FAM110B: variants seen among roughly 807,000 people sequenced by gnomAD.
FAM110B encodes the protein family with sequence similarity 110 member B, also known as protein FAM110B.
Under a neutral mutation model 20.4 loss-of-function variants are expected in FAM110B, and 6 were observed. The ratio of observed to expected loss-of-function variants is 0.29; its 90% CI spans 0.16 to 0.58. The LOEUF is 0.58. Ranked by LOEUF, FAM110B falls within the 20% of genes least tolerant of loss-of-function variation. The probability of loss-of-function intolerance (pLI) is 0.90; values close to 1 mark genes in which losing one functional copy is unlikely to be tolerated. For missense variants in FAM110B, 434 were observed against 498.2 expected (o/e 0.87, Z 1.23); for synonymous variants, 226 against 214.1 (o/e 1.06, Z -0.49).
chr8:58,082,484 T>C (rs1806222979), intron 3 of FAM110B, among the ~76,000 whole-genome samples: 2 of 152,236 alleles, frequency 1.3e-5, no homozygotes, highest in African/African-American at 4.8e-5. Context: ...TCAGAGTTCC[T>C]TATGACTGTG....
At chr8:58,019,365 A>AG (rs1491107782) in intron 1 of FAM110B, among the ~76,000 whole-genome samples, 7 of 107,166 alleles carry the variant, frequency 6.5e-5, no homozygotes, top group African/African-American at 3.0e-4. Flanking sequence ...AAAAAAGGAA[A>AG]GAAAGAAAGA....
At chr8:58,022,743 G>T (rs1015036998) in intron 1 of FAM110B, among the ~76,000 whole-genome samples, 2 of 152,132 alleles carry the variant, frequency 1.3e-5, no homozygotes, top group Non-Finnish European at 2.9e-5. Context: ...CTTTTCTTAG[G>T]GAAGGCCAAA....
chr8:58,095,152 G>GCT (rs1399196288), intron 3 of FAM110B, among the ~76,000 whole-genome samples: 1 of 151,864 alleles, frequency 6.6e-6, no homozygotes, highest in East Asian at 1.9e-4. Context: ...TATTAGTCTG[G>GCT]CTAGTGGTCT....
At chr8:58,019,836 A>G (rs1231297459) in intron 1 of FAM110B, among the ~76,000 whole-genome samples, 2 of 151,742 alleles carry the variant, frequency 1.3e-5, no homozygotes, top group African/African-American at 4.8e-5. Flanking sequence ...TTTTCTTTGT[A>G]TTTGCTTTGA....
intron 1 of FAM110B, among the ~76,000 whole-genome samples, chr8:57,995,686 A>G (rs1477442366): frequency 6.6e-6 from 1 of 152,190 alleles, no homozygotes; most frequent in Non-Finnish European, 1.5e-5. Context: ...ATTACTCTGG[A>G]AAGTGGAAAG....
At chr8:58,087,266 C>A (rs1806360829) in intron 3 of FAM110B, among the ~76,000 whole-genome samples, 1 of 152,250 alleles carries the variant, frequency 6.6e-6, no homozygotes, top group Non-Finnish European at 1.5e-5. Context: ...GCGTCACCTT[C>A]TACCTTATCT....
chr8:58,032,892 G>A (rs764319923), intron 2 of FAM110B, among the ~76,000 whole-genome samples: 22 of 152,188 alleles, frequency 1.4e-4, no homozygotes, highest in East Asian at 1.9e-4. Flanking sequence ...TTGAGACATC[G>A]ATTTCATTTT....
intron 2 of FAM110B, among the ~76,000 whole-genome samples, chr8:58,060,877 C>T (rs1805643798): frequency 6.6e-6 from 1 of 152,102 alleles, no homozygotes; most frequent in African/African-American, 2.4e-5. Context: ...AGCATTAGTC[C>T]TCATCAGCGA....
chr8:58,100,227 T>TTCCTTTAGATTTTGAAA (rs1806743976), intron 3 of FAM110B, among the ~76,000 whole-genome samples: 5 of 151,166 alleles, frequency 3.3e-5, no homozygotes, highest in African/African-American at 1.2e-4. Context: ...TCCCTGGAGT[T>TTCCTTTAGATTTTGAAA]AATCTGGTGC....
intron 1 of FAM110B, among the ~76,000 whole-genome samples, chr8:58,017,048 G>A (rs1042129985): frequency 3.9e-5 from 6 of 152,186 alleles, no homozygotes; most frequent in African/African-American, 1.4e-4. Context: ...CTTTTTCAGT[G>A]CCTAGGGAAA....
chr8:58,077,962 G>A (rs747814374), intron 3 of FAM110B, among the ~76,000 whole-genome samples: 21 of 152,144 alleles, frequency 1.4e-4, no homozygotes, highest in Non-Finnish European at 2.5e-4. Flanking sequence ...CCCATAAATA[G>A]ATTGAAACAT....
intron 1 of FAM110B, among the ~76,000 whole-genome samples, chr8:58,004,090 C>T (rs1181703333): frequency 2.6e-5 from 4 of 152,128 alleles, no homozygotes; most frequent in Admixed American, 2.6e-4. Flanking sequence ...TTACATTTTT[C>T]ATTAGATTCT....
intron 2 of FAM110B, among the ~76,000 whole-genome samples, chr8:58,057,873 T>C (rs191348967): frequency 4.1e-4 from 63 of 152,378 alleles, no homozygotes; most frequent in African/African-American, 1.3e-3. Flanking sequence ...ATTCCTCGGC[T>C]GTCGCTAAAT....
chr8:58,105,355 T>C (rs1806881015), intron 3 of FAM110B, among the ~76,000 whole-genome samples: 1 of 152,080 alleles, frequency 6.6e-6, no homozygotes, highest in South Asian at 2.1e-4. Flanking sequence ...TAGCATATTC[T>C]GCTGTTCTGT....
intron 3 of FAM110B, among the ~76,000 whole-genome samples, chr8:58,093,576 C>A (rs1472413727): frequency 6.6e-6 from 1 of 152,134 alleles, no homozygotes; most frequent in African/African-American, 2.4e-5. Flanking sequence ...GGTGTTATTT[C>A]TGAGGCCTGT....
intron 2 of FAM110B, among the ~76,000 whole-genome samples, chr8:58,073,117 T>C (rs1417942946): frequency 6.6e-6 from 1 of 152,208 alleles, no homozygotes; most frequent in Non-Finnish European, 1.5e-5. Context: ...TGTAGTTATT[T>C]TTCACTGTAG....
rs1046786725 is a variant in FAM110B, at chr8:58,033,712, A to C, written c.-414+2009A>C. 3.9e-5 allele frequency among the ~76,000 whole-genome samples: 6 copies of C among 152,332 alleles called. No homozygotes were observed. The Middle Eastern group carries it at 0.01, about 259-fold the overall frequency. On this transcript the variant is annotated intron_variant, in intron 2 of 3. Transcript: ENST00000519262. The stretch of plus-strand genomic sequence containing the variant: ...AAAAATACAAATTAAAACCACAACA[A>C]GGTACCATCTCACAGCAGTCAGAAT...
intron 3 of FAM110B, among the ~76,000 whole-genome samples, chr8:58,085,791 G>A (rs1464644771): frequency 6.6e-6 from 1 of 152,096 alleles, no homozygotes; most frequent in Non-Finnish European, 1.5e-5. Context: ...GTTTTTGCGG[G>A]GTGGTTTATC....
chr8:58,087,008 C>T (rs1405876765), intron 3 of FAM110B, among the ~76,000 whole-genome samples: 3 of 152,246 alleles, frequency 2.0e-5, no homozygotes, highest in Non-Finnish European at 4.4e-5. Context: ...TCTGAGCTCA[C>T]ACCATACACC....
Sources: allele counts gnomAD v4.1 joint callset (sites outside exome capture counted in the v4.1 genomes callset), GRCh38; gene constraint gnomAD v4.1.1; transcripts MANE v1.5; gene names NCBI Gene and HGNC (gene_info 2026-07-23, HGNC 2026-07-21).